The following GTF2E2 variants were observed in gnomAD, a reference collection of about 807,000 sequenced individuals.
GTF2E2 encodes the protein general transcription factor IIE subunit 2, also known as transcription initiation factor IIE subunit beta.
GTF2E2 carries 21 observed loss-of-function variants against 40.5 expected under a neutral mutation model. The observed-to-expected ratio is 0.52, with a 90% CI of 0.37 to 0.75. GTF2E2 has a LOEUF of 0.75. Ranked by LOEUF, GTF2E2 falls within the 30% of genes least tolerant of loss-of-function variation. The probability of loss-of-function intolerance (pLI) is 0.00; values close to 1 mark genes in which losing one functional copy is unlikely to be tolerated. For synonymous variants in GTF2E2, 117 were observed against 121.6 expected (o/e 0.96, Z 0.25); for missense variants, 298 against 338.4 (o/e 0.88, Z 0.94).
chr8:30,635,036 A>C lies in GTF2E2; in HGVS notation c.254T>G (p.Met85Arg), dbSNP rs1480238531. 4 of 1,560,448 alleles carry C rather than the reference A, an allele frequency of 2.6e-6. No individual in the cohort carries two copies. Among genetic ancestry groups the C allele is most frequent in the Non-Finnish European group, 3.5e-6 (4 of 1,134,180 alleles). ...FGVLAKIVNY[M>R]KTRHQRGDTH... ...CTATCTGAGAAAAGTACTTACCTTC[A>C]TGTAATTCACAATCTTAGCAAGAAC... is the stretch of plus-strand genomic sequence containing the variant. The change falls in exon 3 of 8, where the codon ATG becomes AGG. Residue 85 changes from methionine (M) to arginine (R), a missense_variant. Transcript: ENST00000355904.
At position 30,607,113 on chromosome 8, in the gene GTF2E2, T is replaced by C; in HGVS notation, c.587A>G (p.Asp196Gly). ...ATTGAAGAAAAGTATTTTCTTCTTA[T>C]CGGGACGATTTACAAATAGTATCTG... is the stretch of plus-strand genomic sequence containing the variant. ...GDQILFVNRP[D>G]KKKILFFNDK... The change falls in exon 6 of 8, where the codon GAT (aspartate) becomes GGT (glycine). Residue 196 changes from aspartate (D) to glycine (G), a missense_variant. Coordinates refer to ENST00000355904, the MANE Select transcript of GTF2E2 (RefSeq NM_002095.6). 6.7e-7 allele frequency: 1 copy of C among 1,493,904 alleles called. No individual in the cohort carries two copies. Among genetic ancestry groups the C allele is most frequent in the Non-Finnish European group, 9.2e-7 (1 of 1,083,498 alleles). The allele number at this position is 1,493,904 out of a possible 1,614,324, so 92.5% of individuals were successfully genotyped here.
In GTF2E2 at chr8:30,580,342, A is replaced by AT. The variant is rs1828481716; in HGVS notation, c.697dup (p.Ile233AsnfsTer2). 6 of 1,611,804 alleles carry AT rather than the reference A, an allele frequency of 3.7e-6. No individual in the cohort carries two copies. The highest frequency in any genetic ancestry group is 5.1e-6 in the Non-Finnish European group (6 of 1,178,008). ...ACCCTGTCGCTTCAGATATTCTTCA[A>AT]TTTTCTCCTCGTCCATGGAATCTAC... On this transcript the variant is annotated frameshift_variant, in exon 7 of 8. Transcript: ENST00000355904. LOFTEE classifies it high-confidence loss of function.
chr8:30,616,429 T>C (rs1800920066), intron 3 of GTF2E2, among the ~76,000 whole-genome samples: 2 of 151,988 alleles, frequency 1.3e-5, no homozygotes, highest in African/African-American at 4.8e-5. Flanking sequence ...AGCAAGACTC[T>C]GTTTTAAAAA....
intron 1 of GTF2E2, among the ~76,000 whole-genome samples, chr8:30,653,938 A>T (rs1430418894): frequency 1.3e-5 from 2 of 152,004 alleles, no homozygotes; most frequent in African/African-American, 4.8e-5. Flanking sequence ...AAATACAAAA[A>T]ATCAGGCAGG....
At chr8:30,586,356 A>C (rs1828683150) in intron 6 of GTF2E2, among the ~76,000 whole-genome samples, 1 of 152,296 alleles carries the variant, frequency 6.6e-6, no homozygotes, top group South Asian at 2.1e-4. Flanking sequence ...GAACCTGTGA[A>C]TACGTTACCA....
At chr8:30,639,565 TC>T (rs1801737472) in intron 2 of GTF2E2, among the ~76,000 whole-genome samples, 1 of 152,180 alleles carries the variant, frequency 6.6e-6, no homozygotes, top group Non-Finnish European at 1.5e-5. Context: ...AAGATTATCT[TC>T]GTGGCTCAGA....
At chr8:30,626,833 A>T (rs1246750439) in intron 3 of GTF2E2, among the ~76,000 whole-genome samples, 7 of 152,246 alleles carry the variant, frequency 4.6e-5, no homozygotes, top group African/African-American at 1.7e-4. Context: ...ATTGTGCAGC[A>T]TCTGTGGCAA....
chr8:30,617,120 GA>G (rs1022184005), intron 3 of GTF2E2, among the ~76,000 whole-genome samples: 2 of 150,578 alleles, frequency 1.3e-5, no homozygotes, highest in Admixed American at 6.6e-5. Context: ...CTCTTCAAAA[GA>G]AAAAAAAACC....
At chr8:30,611,626 G>GA (rs1269929594) in intron 5 of GTF2E2, among the ~76,000 whole-genome samples, 3 of 151,686 alleles carry the variant, frequency 2.0e-5, no homozygotes, top group African/African-American at 7.3e-5. Context: ...TAATAGAACA[G>GA]AAAAAAAATT....
At chr8:30,607,958 C>T (rs1013664261) in intron 5 of GTF2E2, among the ~76,000 whole-genome samples, 1 of 152,186 alleles carries the variant, frequency 6.6e-6, no homozygotes, top group African/African-American at 2.4e-5. Flanking sequence ...TTTCTTACTG[C>T]ATTGCCCAAA....
At chr8:30,619,229 C>T (rs529750050) in intron 3 of GTF2E2, among the ~76,000 whole-genome samples, 2 of 151,930 alleles carry the variant, frequency 1.3e-5, no homozygotes, top group East Asian at 1.9e-4. Context: ...CATGAGCCAC[C>T]GTGCCCAGTC....
At chr8:30,595,472 G>T (rs938257859) in intron 6 of GTF2E2, among the ~76,000 whole-genome samples, 4 of 152,038 alleles carry the variant, frequency 2.6e-5, no homozygotes, top group African/African-American at 9.7e-5. Flanking sequence ...AGTAGTGCAG[G>T]TCTGATGGCA....
Position 30,594,466 on chromosome 8 carries a change from C to T in GTF2E2, c.643+12591G>A, listed in dbSNP as rs113535234. Among the ~76,000 whole-genome samples, 1,270 of 150,704 alleles carry T rather than the reference C, an allele frequency of 8.4e-3. 23 individuals are homozygous for T. Among genetic ancestry groups the T allele is most frequent in the African/African-American group, 0.029 (1,178 of 41,006 alleles). On this transcript the variant is annotated intron_variant, in intron 6 of 7. Coordinates refer to ENST00000355904, the MANE Select transcript of GTF2E2 (RefSeq NM_002095.6). The stretch of plus-strand genomic sequence containing the variant: ...AGAGATAGGGTTTCACCATGTTGGT[C>T]AGGCTGGTCTTGAACTTCTGACCTA...
chr8:30,587,234 G>A (rs1305879074), intron 6 of GTF2E2, among the ~76,000 whole-genome samples: 1 of 151,348 alleles, frequency 6.6e-6, no homozygotes, highest in Non-Finnish European at 1.5e-5. Context: ...AATATAGTGA[G>A]ACCTCGTCTC....
Position 30,614,720 on chromosome 8 carries a change from C to T in GTF2E2, c.259-5G>A, listed in dbSNP as rs369034600. Reference sequence around the variant, plus strand: ...ATCTCCTCGCTGATGCCGTGTCTATCAAGTGAAGAAATTGTTATTAGAAGA... The same window carrying T: ...ATCTCCTCGCTGATGCCGTGTCTATTAAGTGAAGAAATTGTTATTAGAAGA... On this transcript the variant is annotated splice_region_variant and splice_polypyrimidine_tract_variant and intron_variant, in intron 3 of 7. Transcript: ENST00000355904. The T allele has an allele frequency of 6.5e-7, 1 of 1,539,750 alleles. No individual in the cohort carries two copies. The highest frequency in any genetic ancestry group is 8.9e-7 in the Non-Finnish European group (1 of 1,117,842).
chr8:30,646,089 AAT>A, intron 2 of GTF2E2: 1 of 152,338 alleles, frequency 6.6e-6, no homozygotes, highest in East Asian at 1.9e-4. Flanking sequence ...AACTTATATA[AAT>A]ATATAATGAC....
At chr8:30,615,496 A>G (rs1048402877) in intron 3 of GTF2E2, among the ~76,000 whole-genome samples, 4 of 152,226 alleles carry the variant, frequency 2.6e-5, no homozygotes, top group African/African-American at 9.7e-5. Context: ...CCAAGCGTCC[A>G]TATTAGAAGA....
chr8:30,583,157 A>C (rs1201233223), intron 6 of GTF2E2, among the ~76,000 whole-genome samples: 1 of 152,112 alleles, frequency 6.6e-6, no homozygotes, highest in Non-Finnish European at 1.5e-5. Context: ...AACATGGTGA[A>C]ACTGTGTCTC....
intron 6 of GTF2E2, among the ~76,000 whole-genome samples, chr8:30,600,411 T>C (rs1688932391): frequency 6.6e-6 from 1 of 152,182 alleles, no homozygotes; most frequent in East Asian, 1.9e-4. Context: ...CCAGATTCTG[T>C]TCCAAGTTCC....
Sources: gnomAD v4.1 joint callset for allele counts (sites outside exome capture counted in the v4.1 genomes callset) on GRCh38, gnomAD v4.1.1 for gene constraint, MANE v1.5 for transcripts, NCBI Gene and HGNC (gene_info 2026-07-23, HGNC 2026-07-21) for gene names.